ITFG1: variants seen among roughly 807,000 people sequenced by gnomAD.
The protein encoded by ITFG1 is integrin alpha FG-GAP repeat containing 1.
In ITFG1, 34 loss-of-function variants were observed where a neutral mutation model predicts 81.8. That is an observed-to-expected ratio of 0.42 (90% CI 0.32 to 0.55). The LOEUF is 0.55. Ranked by LOEUF, ITFG1 falls within the 20% of genes least tolerant of loss-of-function variation. ITFG1 has a pLI of 0.17. For missense variants in ITFG1, 672 were observed against 755.4 expected (o/e 0.89, Z 1.29); for synonymous variants, 285 against 270.6 (o/e 1.05, Z -0.52).
intron 6 of ITFG1, among the ~76,000 whole-genome samples, chr16:47,417,987 T>C (rs1293734753): frequency 1.3e-5 from 2 of 152,220 alleles, no homozygotes; most frequent in Admixed American, 1.3e-4. Flanking sequence ...CTAATTTACA[T>C]TTCAAACAAT....
chr16:47,383,703 C>T (rs923076187), intron 6 of ITFG1, among the ~76,000 whole-genome samples: 2 of 152,174 alleles, frequency 1.3e-5, no homozygotes, highest in Non-Finnish European at 1.5e-5. Flanking sequence ...GTCAGGAGTT[C>T]GAGACCAGCT....
At chr16:47,373,385 T>A (rs1968283393) in intron 7 of ITFG1, among the ~76,000 whole-genome samples, 1 of 152,104 alleles carries the variant, frequency 6.6e-6, no homozygotes, top group African/African-American at 2.4e-5. Flanking sequence ...CAGGATCAAG[T>A]GATTCTCTTG....
intron 13 of ITFG1, among the ~76,000 whole-genome samples, chr16:47,237,310 T>C (rs1861531241): frequency 6.6e-6 from 1 of 152,258 alleles, no homozygotes; most frequent in Non-Finnish European, 1.5e-5. Context: ...TCCATGACTT[T>C]GGATAATTTA....
intron 6 of ITFG1, among the ~76,000 whole-genome samples, chr16:47,377,200 A>G (rs1968337561): frequency 6.6e-6 from 1 of 152,150 alleles, no homozygotes; most frequent in Admixed American, 6.5e-5. Context: ...TATTTTTATA[A>G]TTAGTTGAAC....
chr16:47,161,693 A>G, intron 16 of ITFG1, 57 bp downstream of exon 16: 1 of 1,046,198 alleles, frequency 9.6e-7, no homozygotes, highest in Non-Finnish European at 1.5e-6. Context: ...ACATCACTGT[A>G]TGTATAATTC....
At chr16:47,401,444 A>C (rs530916446) in intron 6 of ITFG1, among the ~76,000 whole-genome samples, 1 of 152,296 alleles carries the variant, frequency 6.6e-6, no homozygotes, top group Non-Finnish European at 1.5e-5. Flanking sequence ...GTATTACATA[A>C]AAAAGGAAAA....
At chr16:47,402,353 T>C (rs771104579) in intron 6 of ITFG1, among the ~76,000 whole-genome samples, 5 of 152,252 alleles carry the variant, frequency 3.3e-5, no homozygotes, top group African/African-American at 1.2e-4. Flanking sequence ...CAGGTTATGA[T>C]ATAAAATAAA....
chr16:47,326,235 T>C (rs977922374), intron 8 of ITFG1, among the ~76,000 whole-genome samples: 3 of 152,172 alleles, frequency 2.0e-5, no homozygotes, highest in African/African-American at 7.2e-5. Context: ...CATGATTATC[T>C]CAATAGATGC....
chr16:47,194,508 G>C (rs955611300), intron 14 of ITFG1, among the ~76,000 whole-genome samples: 1 of 152,074 alleles, frequency 6.6e-6, no homozygotes, highest in African/African-American at 2.4e-5. Context: ...ATAGAAGAAA[G>C]GGCTAATGAA....
rs750588940 is a variant in ITFG1, at chr16:47,311,316, T to C, written c.994A>G (p.Ile332Val). ...TTGTAGTCTCCAATATGAAGGGTAA[T>C]TGGAATTGGTATTTCAGTTGGTTGC... ...EQQPTEIPIP[I>V]TLHIGDYNMD... The change falls in exon 10 of 18, where the codon ATT (isoleucine) becomes GTT (valine). Residue 332 changes from isoleucine to valine, a missense_variant. Transcript: ENST00000320640. 3 of 1,613,424 alleles carry C rather than the reference T, an allele frequency of 1.9e-6. No homozygotes were observed. The highest frequency in any genetic ancestry group is 2.5e-6 in the Non-Finnish European group (3 of 1,179,398).
intron 8 of ITFG1, among the ~76,000 whole-genome samples, chr16:47,342,335 C>G (rs1967795046): frequency 6.6e-6 from 1 of 152,114 alleles, no homozygotes; most frequent in South Asian, 2.1e-4. Context: ...CATAATATCT[C>G]TCAGAAAAAT....
chr16:47,183,611 G>T (rs1407931131), intron 14 of ITFG1, among the ~76,000 whole-genome samples: 2 of 152,060 alleles, frequency 1.3e-5, no homozygotes, highest in Non-Finnish European at 2.9e-5. Context: ...AAACAGAAAG[G>T]ACATCCACAC....
chr16:47,348,346 C>T (rs1038781474), intron 8 of ITFG1, among the ~76,000 whole-genome samples: 8 of 152,130 alleles, frequency 5.3e-5, no homozygotes, highest in African/African-American at 1.9e-4. Context: ...CTAGAATAAC[C>T]AATGCAGAGA....
intron 8 of ITFG1, among the ~76,000 whole-genome samples, chr16:47,335,243 G>C (rs8058408): frequency 6.6e-6 from 1 of 152,126 alleles, no homozygotes; most frequent in Non-Finnish European, 1.5e-5. Context: ...TGTAATCCCA[G>C]CTACTAGGGA....
rs935480554 is a variant in ITFG1, at chr16:47,322,221, CTTT to C, written c.803-8401_803-8399del. ...TGATCAGAAAAGAAAAGCTATACTT[CTTT>C]AAGATGCTGCCAGTCACTGTCAGAC... On this transcript the variant is annotated intron_variant, in intron 8 of 17. Coordinates refer to ENST00000320640, the MANE Select transcript of ITFG1 (RefSeq NM_030790.5). Among the ~76,000 whole-genome samples, 126 of 152,248 alleles carry C rather than the reference CTTT, an allele frequency of 8.3e-4. 1 individual carries two copies. Among genetic ancestry groups the C allele is most frequent in the African/African-American group, 2.9e-3 (120 of 41,540 alleles).
At chr16:47,330,182 G>T (rs954220295) in intron 8 of ITFG1, among the ~76,000 whole-genome samples, 1 of 151,956 alleles carries the variant, frequency 6.6e-6, no homozygotes, top group African/African-American at 2.4e-5. Flanking sequence ...TGAGAAAAAT[G>T]AGCATGGGAA....
chr16:47,438,000 C>A (rs1969190930), intron 5 of ITFG1, among the ~76,000 whole-genome samples: 1 of 152,190 alleles, frequency 6.6e-6, no homozygotes, highest in Non-Finnish European at 1.5e-5. Flanking sequence ...TGTGCTTTTC[C>A]AACGGGCTTA....
intron 10 of ITFG1, among the ~76,000 whole-genome samples, chr16:47,291,580 C>T (rs1966906289): frequency 6.6e-6 from 1 of 152,106 alleles, no homozygotes; most frequent in Admixed American, 6.5e-5. Flanking sequence ...CATAAGATTA[C>T]TATTTGTGTG....
intron 6 of ITFG1, among the ~76,000 whole-genome samples, chr16:47,385,742 T>A (rs1401935463): frequency 6.6e-6 from 1 of 152,214 alleles, no homozygotes; most frequent in Non-Finnish European, 1.5e-5. Context: ...TGCTGAGTGC[T>A]CACTTCAATG....
Sources: allele counts gnomAD v4.1 joint callset (sites outside exome capture counted in the v4.1 genomes callset), GRCh38; gene constraint gnomAD v4.1.1; transcripts MANE v1.5; gene names NCBI Gene and HGNC (gene_info 2026-07-23, HGNC 2026-07-21).